The following FBN1 variants were observed in gnomAD, a reference collection of about 807,000 sequenced individuals.
The protein encoded by FBN1 is fibrillin 1.
In FBN1, 29 loss-of-function variants were observed where a neutral mutation model predicts 365.1. That is an observed-to-expected ratio of 0.08 (90% CI 0.06 to 0.11). FBN1 has a LOEUF of 0.11. Among genes scored for constraint, FBN1 ranks in the 10% least tolerant of loss-of-function variants. FBN1 has a pLI of 1.00. For synonymous variants in FBN1, 1,210 were observed against 1,270.5 expected (o/e 0.95, Z 1.01); for missense variants, 2,476 against 3,703.2 (o/e 0.67, Z 8.60).
intron 2 of FBN1, among the ~76,000 whole-genome samples, chr15:48,628,797 T>C (rs930737195): frequency 6.6e-6 from 1 of 152,132 alleles, no homozygotes; most frequent in Non-Finnish European, 1.5e-5. Context: ...TCTGCCACCC[T>C]AATAGATCTA....
intron 6 of FBN1, among the ~76,000 whole-genome samples, chr15:48,569,138 G>A (rs574056697): frequency 1.2e-4 from 19 of 152,022 alleles, no homozygotes; most frequent in Admixed American, 1.0e-3. Context: ...AACTCAATAA[G>A]AAGATAACCC....
intron 6 of FBN1, among the ~76,000 whole-genome samples, chr15:48,540,024 C>T (rs1475424267): frequency 6.6e-6 from 1 of 152,160 alleles, no homozygotes; most frequent in Admixed American, 6.6e-5. Context: ...AAGAAAAAGT[C>T]ACTCAGCACT....
chr15:48,503,315 G>A (rs113874151), intron 17 of FBN1, among the ~76,000 whole-genome samples: 13,958 of 133,028 alleles, frequency 0.1, 1,114 homozygotes, highest in African/African-American at 0.17. Flanking sequence ...AAAAAAAAAA[G>A]AAGAAGAAGA....
At chr15:48,412,070 A>C (rs895556123) in intron 65 of FBN1, among the ~76,000 whole-genome samples, 2 of 152,150 alleles carry the variant, frequency 1.3e-5, no homozygotes, top group Admixed American at 1.3e-4. Flanking sequence ...ATATCTGTGC[A>C]CTTCTGAGTT....
chr15:48,453,464 TA>T (rs1414542163), intron 44 of FBN1, among the ~76,000 whole-genome samples: 1 of 152,014 alleles, frequency 6.6e-6, no homozygotes, highest in East Asian at 1.9e-4. Context: ...CTGGAGACAG[TA>T]AAAAATCAGT....
intron 14 of FBN1, among the ~76,000 whole-genome samples, chr15:48,509,154 A>G (rs1158400754): frequency 6.6e-6 from 1 of 152,182 alleles, no homozygotes; most frequent in Non-Finnish European, 1.5e-5. Context: ...TCTTTTAAAG[A>G]TGAAAACCAG....
At chr15:48,520,869 T>C (rs766666237) in intron 9 of FBN1, 52 bp from the exon 10 acceptor site, 1 of 1,611,326 alleles carries the variant, frequency 6.2e-7, no homozygotes, top group South Asian at 1.1e-5. Flanking sequence ...ATAATACTTG[T>C]AACAACACTC....
At chr15:48,611,957 C>T (rs997368427) in intron 3 of FBN1, among the ~76,000 whole-genome samples, 4 of 152,054 alleles carry the variant, frequency 2.6e-5, no homozygotes, top group African/African-American at 4.8e-5. Context: ...AAACTGGAAA[C>T]GACTAAGAAA....
Position 48,421,664 on chromosome 15 carries a change from G to A in FBN1, c.7593C>T (p.Asp2531=), listed in dbSNP as rs1352408160. 7 of 1,613,696 alleles carry A rather than the reference G, an allele frequency of 4.3e-6. No individual in the cohort carries two copies. In the Admixed American group the frequency reaches 6.7e-5, roughly 15 times the overall value. The change falls in exon 62 of 66, where the codon GAC becomes GAT. Residue 2531 remains aspartate (D), a synonymous_variant. Coordinates refer to ENST00000316623, the MANE Select transcript of FBN1 (RefSeq NM_000138.5). ...SCIDNNECTS[D]INLCGSKGIC... ...TGCCCTTAGACCCGCACAGATTGATGTCAGAGGTGCATTCATTGTTATCTA... is the reference window on the plus strand; with the variant it reads ...TGCCCTTAGACCCGCACAGATTGATATCAGAGGTGCATTCATTGTTATCTA...
chr15:48,465,951 A>G (rs1193174997), intron 38 of FBN1, 93 bp from the exon 39 acceptor site: 4 of 878,064 alleles, frequency 4.6e-6, no homozygotes, highest in South Asian at 2.8e-5. Flanking sequence ...CCAACTGAAA[A>G]TGTTCATTTT....
At chr15:48,425,258 C>A in intron 60 of FBN1, 111 bp downstream of exon 60, 1 of 1,464,948 alleles carries the variant, frequency 6.8e-7, no homozygotes, top group South Asian at 1.1e-5. Context: ...CAGGGAAGCA[C>A]CTCCTGCCTG....
intron 6 of FBN1, among the ~76,000 whole-genome samples, chr15:48,577,061 T>C (rs1311193348): frequency 6.6e-6 from 1 of 152,196 alleles, no homozygotes; most frequent in Admixed American, 6.5e-5. Flanking sequence ...TCATTTTTTT[T>C]AACCTCAGCC....
chr15:48,507,456 A>C (rs2043719744), intron 15 of FBN1, among the ~76,000 whole-genome samples: 1 of 152,140 alleles, frequency 6.6e-6, no homozygotes, highest in Non-Finnish European at 1.5e-5. Context: ...CCTCCTTCAA[A>C]TTTGAAACAC....
intron 62 of FBN1, among the ~76,000 whole-genome samples, chr15:48,421,022 T>C (rs1441102037): frequency 6.6e-6 from 1 of 151,782 alleles, no homozygotes; most frequent in Non-Finnish European, 1.5e-5. Context: ...AGGAAATTAG[T>C]GCAAAGCCCA....
At chr15:48,638,240 A>G (rs1349721110) in intron 2 of FBN1, among the ~76,000 whole-genome samples, 1 of 152,134 alleles carries the variant, frequency 6.6e-6, no homozygotes, top group African/African-American at 2.4e-5. Context: ...GATCAATCCC[A>G]TTCCCACAAT....
intron 6 of FBN1, among the ~76,000 whole-genome samples, chr15:48,575,191 T>C (rs575634465): frequency 1.3e-5 from 2 of 152,356 alleles, no homozygotes; most frequent in South Asian, 4.1e-4. Context: ...AAAGAGCAAT[T>C]GCTCTAGCAT....
intron 40 of FBN1, 43 bp from the exon 41 acceptor site, chr15:48,464,064 AC>A: frequency 6.2e-7 from 1 of 1,604,620 alleles, no homozygotes; most frequent in Non-Finnish European, 8.5e-7. Flanking sequence ...TGAAAACTTC[AC>A]ATTTTGGAAT....
chr15:48,578,661 G>C (rs1170003625), intron 6 of FBN1, among the ~76,000 whole-genome samples: 5 of 151,646 alleles, frequency 3.3e-5, no homozygotes, highest in Non-Finnish European at 5.9e-5. Flanking sequence ...ATACACCATG[G>C]AATACTATGC....
chr15:48,543,329 G>A (rs1324102298), intron 6 of FBN1, among the ~76,000 whole-genome samples: 1 of 152,016 alleles, frequency 6.6e-6, no homozygotes, highest in African/African-American at 2.4e-5. Flanking sequence ...GAATTCCAGG[G>A]GCATTCTCCA....
Sources: allele counts gnomAD v4.1 joint callset (sites outside exome capture counted in the v4.1 genomes callset), GRCh38; gene constraint gnomAD v4.1.1; transcripts MANE v1.5; gene names NCBI Gene and HGNC (gene_info 2026-07-23, HGNC 2026-07-21).